The following MOB1B variants were observed in gnomAD, a reference collection of about 807,000 sequenced individuals.
MOB1B encodes MOB kinase activator 1B.
In MOB1B, 19 loss-of-function variants were observed where a neutral mutation model predicts 24.4. That is an observed-to-expected ratio of 0.78 (90% CI 0.54 to 1.14). MOB1B has a LOEUF of 1.14. MOB1B is among the 50% of genes most tolerant of loss of function. The pLI, the probability that MOB1B is intolerant of heterozygous loss-of-function variation, is 0.00. For missense variants in MOB1B, 243 were observed against 259.6 expected, an observed-to-expected ratio of 0.94 and a Z score of 0.44; for synonymous variants, 76 against 82.1, an observed-to-expected ratio of 0.93 and a Z score of 0.40.
At chr4:70,952,368 C>G (rs1156783563) in intron 1 of MOB1B, among the ~76,000 whole-genome samples, 2 of 151,808 alleles carry the variant, frequency 1.3e-5, no homozygotes, top group African/African-American at 4.8e-5. Context: ...AAAACAGGCA[C>G]AAAACTTTCT....
intron 1 of MOB1B, among the ~76,000 whole-genome samples, chr4:70,940,345 A>G (rs959678302): frequency 6.6e-6 from 1 of 151,310 alleles, no homozygotes; most frequent in East Asian, 2.0e-4. Context: ...CTTCTATACC[A>G]CTAGGAGGTG....
chr4:70,957,036 A>C (rs1312084704), intron 1 of MOB1B, among the ~76,000 whole-genome samples: 1 of 151,328 alleles, frequency 6.6e-6, no homozygotes, highest in African/African-American at 2.4e-5. Flanking sequence ...TTGGGGGTGT[A>C]AAGTTGAGAG....
At chr4:70,968,505 T>C (rs2148898986) in intron 2 of MOB1B, among the ~76,000 whole-genome samples, 1 of 152,118 alleles carries the variant, frequency 6.6e-6, no homozygotes, top group African/African-American at 2.4e-5. Context: ...GAGACAAGGT[T>C]TCTCTATGTT....
intron 1 of MOB1B, among the ~76,000 whole-genome samples, chr4:70,938,209 A>G (rs976008482): frequency 6.6e-6 from 1 of 150,868 alleles, no homozygotes; most frequent in Non-Finnish European, 1.5e-5. Flanking sequence ...GGGTTTATCA[A>G]CTGTGGGCTT....
intron 3 of MOB1B, among the ~76,000 whole-genome samples, chr4:70,972,006 CCCT>C (rs1481504432): frequency 6.7e-6 from 1 of 148,712 alleles, no homozygotes; most frequent in Admixed American, 6.7e-5. Context: ...CTTCCTTTCT[CCCT>C]TTTTTTTTTT....
At chr4:70,911,264 T>C (rs1166620427) in intron 1 of MOB1B, among the ~76,000 whole-genome samples, 1 of 151,986 alleles carries the variant, frequency 6.6e-6, no homozygotes. Context: ...CAGTTTTTTA[T>C]CTGACAACAA....
At chr4:70,946,596 A>G (rs533269070) in intron 1 of MOB1B, among the ~76,000 whole-genome samples, 1 of 152,326 alleles carries the variant, frequency 6.6e-6, no homozygotes, top group South Asian at 2.1e-4. Context: ...AAATATGCAT[A>G]TATATAGTCA....
chr4:70,910,355 C>T (rs544116635), intron 1 of MOB1B, among the ~76,000 whole-genome samples: 1 of 151,992 alleles, frequency 6.6e-6, no homozygotes, highest in African/African-American at 2.4e-5. Context: ...CTGCCTTATA[C>T]TATCATCTAT....
intron 4 of MOB1B, chr4:70,976,572 A>G: frequency 1.0e-6 from 1 of 985,274 alleles, no homozygotes; most frequent in Non-Finnish European, 1.2e-6. Context: ...GATTGTCTCA[A>G]AAAGCTAAGA....
chr4:70,973,529 C>T (rs191853946), intron 3 of MOB1B, among the ~76,000 whole-genome samples: 9 of 150,294 alleles, frequency 6.0e-5, no homozygotes, highest in Admixed American at 1.3e-4. Flanking sequence ...TTCACGGTCT[C>T]TAGCTCCTAA....
chr4:70,941,611 G>A (rs1161901731), intron 1 of MOB1B, among the ~76,000 whole-genome samples: 1 of 152,114 alleles, frequency 6.6e-6, no homozygotes, highest in Non-Finnish European at 1.5e-5. Context: ...AAAGTGCTGG[G>A]ATTACAGGTG....
chr4:70,948,477 C>T (rs1208059964), intron 1 of MOB1B, among the ~76,000 whole-genome samples: 3 of 152,140 alleles, frequency 2.0e-5, no homozygotes, highest in South Asian at 4.1e-4. Context: ...TAATATCTCT[C>T]GACTTGACAC....
At chr4:70,976,704 A>G (rs1739011437) in intron 4 of MOB1B, 7 of 898,890 alleles carry the variant, frequency 7.8e-6, no homozygotes, top group Non-Finnish European at 9.3e-6. Flanking sequence ...GAATGCATTA[A>G]CCACTTGGAA....
chr4:70,950,724 G>A (rs1737766036), intron 1 of MOB1B: 1 of 1,530,132 alleles, frequency 6.5e-7, no homozygotes. Context: ...AAGTTGACTG[G>A]AACTTTCAGT....
At chr4:70,947,894 C>T (rs1737651322) in intron 1 of MOB1B, among the ~76,000 whole-genome samples, 1 of 152,166 alleles carries the variant, frequency 6.6e-6, no homozygotes, top group South Asian at 2.1e-4. Context: ...CTGCCGTGCA[C>T]CACTGTACCC....
chr4:70,905,739 A>G (rs1215150947), intron 1 of MOB1B, among the ~76,000 whole-genome samples: 1 of 152,088 alleles, frequency 6.6e-6, no homozygotes, highest in Non-Finnish European at 1.5e-5. Flanking sequence ...GGGCTCTAAG[A>G]TAGAAGGAAA....
intron 1 of MOB1B, among the ~76,000 whole-genome samples, chr4:70,937,042 G>A (rs1445762727): frequency 1.3e-5 from 2 of 151,586 alleles, no homozygotes; most frequent in Non-Finnish European, 2.9e-5. Flanking sequence ...TCAGCCTCCC[G>A]AGTAGCTGGG....
intron 2 of MOB1B, among the ~76,000 whole-genome samples, chr4:70,963,231 G>A (rs375148655): frequency 2.6e-5 from 4 of 151,982 alleles, no homozygotes; most frequent in South Asian, 4.2e-4. Context: ...GGAGATGTAC[G>A]TACATGTAGC....
intron 1 of MOB1B, among the ~76,000 whole-genome samples, chr4:70,924,370 T>C (rs928049827): frequency 1.3e-5 from 2 of 152,230 alleles, no homozygotes; most frequent in Non-Finnish European, 2.9e-5. Context: ...TGAGGTCTGC[T>C]GCAGTGACTT....
Sources: gnomAD v4.1 joint callset for allele counts (sites outside exome capture counted in the v4.1 genomes callset) on GRCh38, gnomAD v4.1.1 for gene constraint, MANE v1.5 for transcripts, NCBI Gene and HGNC (gene_info 2026-07-23, HGNC 2026-07-21) for gene names.